The following MITD1 variants were observed in gnomAD, a reference collection of about 807,000 sequenced individuals.
MITD1 encodes MIT domain-containing protein 1.
MITD1 carries 24 observed loss-of-function variants against 34.9 expected under a neutral mutation model. The observed-to-expected ratio is 0.69, with a 90% confidence interval of 0.50 to 0.97. The LOEUF is 0.97. MITD1 is among the 50% of genes least tolerant of loss of function. The pLI is 0.00. For missense variants in MITD1, 266 were observed against 294.6 expected (o/e 0.90, Z 0.71); for synonymous variants, 102 against 101.4 (o/e 1.01, Z -0.04).
At chr2:99,171,669 G>C in intron 2 of MITD1, 23 bp from the exon 3 acceptor site, 1 of 1,590,412 alleles carries the variant, frequency 6.3e-7, no homozygotes, top group Non-Finnish European at 8.5e-7. Context: ...GGCTTCAACA[G>C]TAAAACCAGT....
At chr2:99,161,957 C>G in exon 8 of MITD1, 1 of 1,569,460 alleles carries the variant, frequency 6.4e-7, no homozygotes. Context: ...TTTTTAAAAG[C>G]ATGCTGATCC....
intron 1 of MITD1, among the ~76,000 whole-genome samples, chr2:99,176,893 T>G (rs1349506354): frequency 6.6e-6 from 1 of 152,092 alleles, no homozygotes; most frequent in African/African-American, 2.4e-5. Context: ...GAAACCAAAT[T>G]CTGGGTGCCA....
intron 7 of MITD1, chr2:99,162,288 G>C: frequency 6.2e-7 from 1 of 1,610,370 alleles, no homozygotes. Flanking sequence ...CCATGATATG[G>C]GTAATATCAA....
chr2:99,176,412 G>T (rs1017781081), intron 1 of MITD1, among the ~76,000 whole-genome samples: 3 of 150,176 alleles, frequency 2.0e-5, no homozygotes, highest in African/African-American at 7.3e-5. Flanking sequence ...TGCAACCTCC[G>T]CCTCCCAGGT....
chr2:99,170,807 T>C, intron 4 of MITD1, 155 bp from the exon 5 acceptor site: 1 of 434,708 alleles, frequency 2.3e-6, no homozygotes, highest in African/African-American at 2.0e-5. Flanking sequence ...CAATGTGAGG[T>C]AGTTTAAAGA....
chr2:99,174,563 C>T (rs1435878656), intron 1 of MITD1, among the ~76,000 whole-genome samples: 2 of 152,056 alleles, frequency 1.3e-5, no homozygotes, highest in African/African-American at 2.4e-5. Flanking sequence ...CTTTCAACAT[C>T]GCTTATATTT....
At chr2:99,162,938 AAATTC>A (rs760268246) in intron 7 of MITD1, 1 of 1,613,958 alleles carries the variant, frequency 6.2e-7, no homozygotes, top group Non-Finnish European at 8.5e-7. Flanking sequence ...GTGACAAATT[AAATTC>A]AAGTCTTATT....
chr2:99,173,928 G>C lies in MITD1; in HGVS notation c.240C>G (p.Asp80Glu), dbSNP rs147710932. 1 of 1,603,754 alleles carries C rather than the reference G, an allele frequency of 6.2e-7. No homozygotes were observed. Among genetic ancestry groups the C allele is most frequent in the African/African-American group, 1.3e-5 (1 of 74,722 alleles). The stretch of plus-strand genomic sequence containing the variant: ...CAACCTCTTTACCTTCTTTTTCTTG[G>C]TCCAAGTACTTCTTTATGTTTTCCG... Reference protein sequence around the residue: ...DRAENIKKYLDQEKEDGKYHK... With the variant: ...DRAENIKKYLEQEKEDGKYHK... The change falls in exon 2 of 7, where the codon GAC (aspartate) becomes GAG (glutamate). Residue 80 changes from aspartate (D) to glutamate (E), a missense_variant. By Grantham distance (45) the Asp-to-Glu change is conservative (BLOSUM62 2). Coordinates refer to ENST00000289359, the MANE Select transcript of MITD1 (RefSeq NM_138798.3).
chr2:99,180,780 A>G lies in MITD1; in HGVS notation c.151+51T>C, dbSNP rs757210216. On this transcript the variant is annotated intron_variant, in intron 1 of 6. Transcript: ENST00000289359. ...TCTTTCACTTCACCCCAGACACAGC[A>G]GGAACCAGCTCCTTTTCCTCAGGTC... 7.3e-6 allele frequency: 11 copies of G among 1,501,594 alleles called. No individual in the cohort carries two copies. The South Asian group carries it at 1.1e-4, about 16-fold the overall frequency. The allele number at this position is 1,501,594 out of a possible 1,614,324, so 93.0% of individuals were successfully genotyped here.
chr2:99,163,715 T>A (rs1179728945), intron 7 of MITD1, among the ~76,000 whole-genome samples: 1 of 152,134 alleles, frequency 6.6e-6, no homozygotes, highest in Non-Finnish European at 1.5e-5. Context: ...TATTGGACAC[T>A]CTGACCTCAG....
intron 4 of MITD1, 150 bp downstream of exon 4, chr2:99,171,193 T>A (rs990004589): frequency 7.4e-5 from 45 of 610,084 alleles, no homozygotes; most frequent in Middle Eastern, 9.3e-4. Context: ...TAACTTTTTT[T>A]ATGACATGTT....
downstream of MITD1, among the ~76,000 whole-genome samples, chr2:99,164,427 C>T (rs2093816903): frequency 1.3e-5 from 2 of 152,240 alleles, no homozygotes; most frequent in South Asian, 4.2e-4. Context: ...TCAAGTGATC[C>T]TGTTGCCTCA....
intron 2 of MITD1, 36 bp from the exon 3 acceptor site, chr2:99,171,682 C>A: frequency 6.3e-7 from 1 of 1,579,306 alleles, no homozygotes; most frequent in Non-Finnish European, 8.6e-7. Context: ...AAACCAGTGA[C>A]CATTTTTTTT....
chr2:99,161,962 T>C (rs1574810953), exon 8 of MITD1: 9 of 1,593,808 alleles, frequency 5.6e-6, no homozygotes, highest in Non-Finnish European at 7.7e-6. Context: ...AAAAGCATGC[T>C]GATCCCATTT....
At chr2:99,176,687 C>T (rs1033164170) in intron 1 of MITD1, among the ~76,000 whole-genome samples, 4 of 151,422 alleles carry the variant, frequency 2.6e-5, no homozygotes, top group African/African-American at 7.3e-5. Context: ...TGTGTGTGCG[C>T]GTGTGTGTGT....
chr2:99,174,843 G>A (rs1018118684), intron 1 of MITD1, among the ~76,000 whole-genome samples: 8 of 152,136 alleles, frequency 5.3e-5, no homozygotes, highest in Middle Eastern at 6.8e-3. Context: ...CTCCTGCCTC[G>A]GCCTCCCAAA....
At position 99,169,457 on chromosome 2, in the gene MITD1, A is replaced by G. The variant is rs777567572; in HGVS notation, c.668T>C (p.Leu223Pro). The change falls in exon 7 of 7, where the codon CTT becomes CCT. Residue 223 changes from leucine (L) to proline (P), a missense_variant. Physicochemically the swap from Leu to Pro is moderately conservative, Grantham distance 98 (BLOSUM62 -3). Transcript: ENST00000289359. Reference sequence around the variant, plus strand: ...TCTTAAATCAAAATCACAATATCCAAGGGAAAAACGACTCTAAGAAGAGAA... The same window carrying G: ...TCTTAAATCAAAATCACAATATCCAGGGGAAAAACGACTCTAAGAAGAGAA... Reference protein sequence around the residue: ...YFKKPQSRFSLGYCDFDLRPC... With the variant: ...YFKKPQSRFSPGYCDFDLRPC... The G allele has an allele frequency of 1.4e-6, 2 of 1,395,406 alleles. No homozygotes were observed. Among genetic ancestry groups the G allele is most frequent in the Non-Finnish European group, 1.0e-6 (1 of 993,226 alleles). The allele number at this position is 1,395,406 out of a possible 1,614,324, so 86.4% of individuals were successfully genotyped here. A position where few individuals can be genotyped will look rare whatever the true frequency, so the allele number is the denominator to read the frequency against.
At chr2:99,166,159 CATG>C (rs1457546482), downstream of MITD1, among the ~76,000 whole-genome samples, 1 of 150,394 alleles carries the variant, frequency 6.6e-6, no homozygotes, top group African/African-American at 2.5e-5. Context: ...AACACTTAAC[CATG>C]TAATCACTTA....
At chr2:99,170,375 G>GT (rs915669555) in intron 5 of MITD1, among the ~76,000 whole-genome samples, 162 bp downstream of exon 5, 6 of 151,476 alleles carry the variant, frequency 4.0e-5, no homozygotes, top group African/African-American at 9.7e-5. Context: ...AAAGCCAAGT[G>GT]TTTTTTTTCT....
Sources: gnomAD v4.1 joint callset for allele counts (sites outside exome capture counted in the v4.1 genomes callset) on GRCh38, gnomAD v4.1.1 for gene constraint, MANE v1.5 for transcripts, NCBI Gene and HGNC (gene_info 2026-07-23, HGNC 2026-07-21) for gene names.